Variants in SMIM9 observed in about 807,000 individuals in gnomAD.
The protein encoded by SMIM9 is chromosome X open reading frame 68.
Under a neutral mutation model 7.2 loss-of-function variants are expected in SMIM9, and 8 were observed. That is an observed-to-expected ratio of 1.10 (90% confidence interval 0.65 to 1.99). SMIM9 has a LOEUF of 1.99. Ranked by LOEUF, SMIM9 falls within the 30% of genes most tolerant of loss-of-function variation. The probability of loss-of-function intolerance (pLI) is 0.00; values close to 1 mark genes in which losing one functional copy is unlikely to be tolerated. For synonymous variants in SMIM9, 19 were observed against 26.4 expected (o/e 0.72, Z 0.86); for missense variants, 76 against 69.3 (o/e 1.10, Z -0.34).
In SMIM9 at chrX:154,826,459, T is replaced by C. The variant is rs141113322; in HGVS notation, c.273-2677A>G. On this transcript the variant is annotated intron_variant, in intron 4 of 4. Coordinates refer to ENST00000369529, the MANE Select transcript of SMIM9 (RefSeq NM_001162936.4). ...TTATTATTGAGATGAGGTCTTGCTA[T>C]GTTCCTAGGCTGGTCTCAAACTCCT... 3.4e-4 allele frequency among the ~76,000 whole-genome samples: 38 copies of C among 112,093 alleles called. No homozygotes were observed. The East Asian group carries it at 0.01, about 30-fold the overall frequency.
rs199975971 is a variant in SMIM9, at chrX:154,830,724, G to A, written c.133C>T (p.Arg45Cys). The change falls in exon 3 of 5, where the codon CGC (arginine) becomes TGC (cysteine). Residue 45 changes from arginine to cysteine, a missense_variant. Transcript: ENST00000369529. ...GIQEKTGSKP[R>C]SGGNHRSWLN... ...CTAACAGCAAACACACCCCCTGAGC[G>A]TGGTTTCGATCCTGTTTTTTCTTGT... The A allele has an allele frequency of 1.4e-5, 16 of 1,165,687 alleles. No homozygotes were observed. The highest frequency in any genetic ancestry group is 7.8e-5 in the Admixed American group (3 of 38,365).
intron 2 of SMIM9, among the ~76,000 whole-genome samples, chrX:154,831,430 G>C (rs1364728683): frequency 8.9e-6 from 1 of 112,089 alleles, no homozygotes; most frequent in Admixed American, 9.5e-5. Flanking sequence ...TGTTTGCTTA[G>C]ATTTACATAT....
At chrX:154,824,651 A>G (rs1557270135) in intron 4 of SMIM9, among the ~76,000 whole-genome samples, 2 of 112,298 alleles carry the variant, frequency 1.8e-5, no homozygotes, top group Non-Finnish European at 3.8e-5. Flanking sequence ...TACTCAGTGT[A>G]TGAATGTGCA....
At chrX:154,825,638 C>T (rs1392367090) in intron 4 of SMIM9, among the ~76,000 whole-genome samples, 3 of 108,963 alleles carry the variant, frequency 2.8e-5, no homozygotes, top group Admixed American at 9.8e-5. Flanking sequence ...TATTGCGGCA[C>T]TATTCACAAT....
chrX:154,825,819 G>A (rs1174045471), intron 4 of SMIM9, among the ~76,000 whole-genome samples: 1 of 107,314 alleles, frequency 9.3e-6, no homozygotes, highest in Non-Finnish European at 1.9e-5. Context: ...CTATCGCAAG[G>A]ACAAAAAACC....
chrX:154,832,844 T>C (rs2148553559), intron 1 of SMIM9, among the ~76,000 whole-genome samples, 161 bp from the exon 2 acceptor site: 1 of 112,343 alleles, frequency 8.9e-6, no homozygotes, highest in Admixed American at 9.4e-5. Flanking sequence ...AGTAGTTCTA[T>C]CCTCTTAGGC....
chrX:154,833,117 G>A (rs1410491941), intron 1 of SMIM9, among the ~76,000 whole-genome samples: 2 of 111,427 alleles, frequency 1.8e-5, no homozygotes, highest in South Asian at 3.7e-4. Flanking sequence ...TAATCTTGGT[G>A]CAGAAAAAGC....
chrX:154,830,489 C>T lies in SMIM9; in HGVS notation c.142+226G>A, dbSNP rs2072440223. ...GGCTTTGTCTGCCTATCTGTGAGCT[C>T]CTTCATAACAGAGGCTGTTCAATTC... On this transcript the variant is annotated intron_variant, in intron 3 of 4. Coordinates refer to ENST00000369529, the MANE Select transcript of SMIM9 (RefSeq NM_001162936.4). 1.6e-5 allele frequency: 5 copies of T among 314,113 alleles called. No homozygotes were observed. The Admixed American group carries it at 2.2e-4, about 14-fold the overall frequency. 25.9% of individuals were successfully genotyped at this position (314,113 alleles called of 1,213,427 possible).
At chrX:154,824,861 C>T (rs1353499509) in intron 4 of SMIM9, among the ~76,000 whole-genome samples, 1 of 112,206 alleles carries the variant, frequency 8.9e-6, no homozygotes, top group Non-Finnish European at 1.9e-5. Context: ...AAGCAGCTAG[C>T]TTAAGCCTTC....
Position 154,832,082 on chromosome X carries a change from G to A in SMIM9, c.-100+492C>T, listed in dbSNP as rs1485121367. Among the ~76,000 whole-genome samples the A allele has an allele frequency of 3.6e-5, 4 of 111,310 alleles. No individual in the cohort carries two copies. The East Asian group carries it at 1.1e-3, about 31-fold the overall frequency. On this transcript the variant is annotated intron_variant, in intron 2 of 4. Transcript: ENST00000369529. ...TGCTAAACAGTACCTAGCACATAGG[G>A]TATCCAGGTGCTCAATAAATATTTT...
Position 154,830,851 on chromosome X carries a change from T to C in SMIM9, c.6A>G (p.Glu2=), listed in dbSNP as rs1275144869. ...ATCCAATTATCAGCAGCTTCTGGGGTTCCATGGACTCCCGCCTTCAGCTGC... is the reference window on the plus strand; with the variant it reads ...ATCCAATTATCAGCAGCTTCTGGGGCTCCATGGACTCCCGCCTTCAGCTGC... M[E]PQKLLIIGFL... is the part of the protein sequence containing the mutation. The change falls in exon 3 of 5, where the codon GAA becomes GAG. Residue 2 remains glutamate (E), a synonymous_variant. Coordinates refer to ENST00000369529, the MANE Select transcript of SMIM9 (RefSeq NM_001162936.4). The C allele has an allele frequency of 1.7e-6, 2 of 1,163,644 alleles. No individual in the cohort carries two copies. The highest frequency in any genetic ancestry group is 3.6e-5 in the African/African-American group (2 of 55,428).
intron 1 of SMIM9, among the ~76,000 whole-genome samples, chrX:154,833,669 T>C (rs1298369788): frequency 4.6e-5 from 5 of 109,108 alleles, no homozygotes; most frequent in Admixed American, 9.8e-5. Context: ...GGCACATGTA[T>C]ACCTACGTAA....
Position 154,830,819 on chromosome X carries a change from A to G in SMIM9, c.38T>C (p.Leu13Pro). The stretch of plus-strand genomic sequence containing the variant: ...CAACAAGAGGCAAGTTAGAGAGCAT[A>G]GCAGAAATCCAATTATCAGCAGCTT... ...PQKLLIIGFL[L>P]CSLTCLLLET... Residue 13 changes from leucine to proline, a missense_variant, in exon 3 of 5, where the codon CTA becomes CCA. Transcript: ENST00000369529. 1 of 1,167,558 alleles carries G rather than the reference A, an allele frequency of 8.6e-7. No homozygotes were observed. The highest frequency in any genetic ancestry group is 1.8e-5 in the African/African-American group (1 of 56,300).
chrX:154,834,109 T>C (rs782319644), intron 1 of SMIM9, among the ~76,000 whole-genome samples: 24 of 111,976 alleles, frequency 2.1e-4, no homozygotes, highest in African/African-American at 7.5e-4. Context: ...CTCTAAACCC[T>C]CATATGAGCT....
chrX:154,825,766 T>C (rs1236750129), intron 4 of SMIM9, among the ~76,000 whole-genome samples: 1 of 110,025 alleles, frequency 9.1e-6, no homozygotes, highest in Admixed American at 9.6e-5. Context: ...TCATGTCCTT[T>C]GTAGGGACAT....
At chrX:154,829,487 T>A (rs782400103) in intron 4 of SMIM9, 48 bp downstream of exon 4, 77 of 1,152,733 alleles carry the variant, frequency 6.7e-5, no homozygotes, top group Non-Finnish European at 8.7e-5. Context: ...CCCACCCCCC[T>A]TCACATTCCC....
chrX:154,826,683 G>A (rs1455691088), intron 4 of SMIM9, among the ~76,000 whole-genome samples: 1 of 112,431 alleles, frequency 8.9e-6, no homozygotes, highest in Non-Finnish European at 1.9e-5. Context: ...TTGCTTATAC[G>A]TTTCTTGTGT....
At chrX:154,834,233 C>T (rs1187961272) in intron 1 of SMIM9, among the ~76,000 whole-genome samples, 1 of 112,451 alleles carries the variant, frequency 8.9e-6, no homozygotes, top group African/African-American at 3.2e-5. Context: ...CTGCATCAGT[C>T]TCATGTTATC....
chrX:154,829,537 G>C lies in SMIM9; in HGVS notation c.270C>G (p.Phe90Leu), dbSNP rs782441881. 6.5e-5 allele frequency: 76 copies of C among 1,164,883 alleles called. No individual in the cohort carries two copies. The highest frequency in any genetic ancestry group is 8.6e-5 in the Non-Finnish European group (75 of 872,191). ...CTCTTCTTCCCACAGAAGCTTACGTGAAGCAGCAGAGGATCCCCATTAGTG... is the reference window on the plus strand; with the variant it reads ...CTCTTCTTCCCACAGAAGCTTACGTCAAGCAGCAGAGGATCCCCATTAGTG... ...TSALMGILCCFTILVVDPVH is the reference protein window; with the variant it reads ...TSALMGILCCLTILVVDPVH The change falls in exon 4 of 5, where the codon TTC becomes TTG. Residue 90 changes from phenylalanine (F) to leucine (L), a missense_variant and splice_region_variant. Coordinates refer to ENST00000369529, the MANE Select transcript of SMIM9 (RefSeq NM_001162936.4).
Sources: gnomAD v4.1 joint callset for allele counts (sites outside exome capture counted in the v4.1 genomes callset) on GRCh38, gnomAD v4.1.1 for gene constraint, MANE v1.5 for transcripts, NCBI Gene and HGNC (gene_info 2026-07-23, HGNC 2026-07-21) for gene names.